The following PDE1C variants were observed in gnomAD, a reference collection of about 807,000 sequenced individuals.
PDE1C encodes phosphodiesterase 1C.
In PDE1C, 62 loss-of-function variants were observed where a neutral mutation model predicts 93.1. The ratio of observed to expected loss-of-function variants is 0.67; its 90% confidence interval spans 0.54 to 0.82. PDE1C has a LOEUF of 0.82. Among genes scored for constraint, PDE1C ranks in the 40% least tolerant of loss-of-function variants. The probability of loss-of-function intolerance (pLI) is 0.00; values close to 1 mark genes in which losing one functional copy is unlikely to be tolerated. For synonymous variants in PDE1C, 325 were observed against 310.1 expected (o/e 1.05, Z -0.50); for missense variants, 742 against 884.6 (o/e 0.84, Z 2.04).
chr7:31,850,762 A>G, intron 7 of PDE1C, 21 bp from the exon 8 acceptor site: 1 of 1,515,028 alleles, frequency 6.6e-7, no homozygotes, highest in Non-Finnish European at 9.2e-7. Context: ...ATTACAGAGC[A>G]ATCAGATAAT....
chr7:32,163,637 G>C (rs1019914582), intron 3 of PDE1C, among the ~76,000 whole-genome samples: 3 of 152,130 alleles, frequency 2.0e-5, no homozygotes, highest in African/African-American at 4.8e-5. Context: ...ATTCTTCCAA[G>C]TGCAAAATTA....
chr7:32,199,979 T>C (rs114234732), intron 2 of PDE1C, among the ~76,000 whole-genome samples: 1,723 of 152,294 alleles, frequency 0.011, 41 homozygotes, highest in African/African-American at 0.039. Flanking sequence ...GTTTAAGATA[T>C]ATATGAAACG....
At chr7:31,815,805 G>C in intron 15 of PDE1C, 119 bp downstream of exon 15, 4 of 750,264 alleles carry the variant, frequency 5.3e-6, no homozygotes, top group Non-Finnish European at 9.3e-6. Context: ...GAAGGAACTG[G>C]ATGAGCAGGG....
At chr7:31,872,462 A>G (rs1251243932) in intron 6 of PDE1C, among the ~76,000 whole-genome samples, 2 of 152,158 alleles carry the variant, frequency 1.3e-5, no homozygotes, top group African/African-American at 4.8e-5. Context: ...ATCATTACAT[A>G]GTCTATGCGT....
intron 15 of PDE1C, among the ~76,000 whole-genome samples, chr7:31,815,646 T>A (rs4720046): frequency 1.3e-5 from 2 of 152,042 alleles, no homozygotes; most frequent in South Asian, 4.2e-4. Flanking sequence ...ATGGTAATTT[T>A]CCCCCAGCTG....
chr7:32,048,729 T>C (rs1012793985), intron 2 of PDE1C, among the ~76,000 whole-genome samples: 4 of 152,154 alleles, frequency 2.6e-5, no homozygotes, highest in South Asian at 2.1e-4. Context: ...AAGTTGAGGA[T>C]GGCTTGTAAT....
At chr7:32,112,761 T>TA (rs1191940402) in intron 3 of PDE1C, among the ~76,000 whole-genome samples, 14 of 150,434 alleles carry the variant, frequency 9.3e-5, no homozygotes, top group African/African-American at 3.4e-4. Flanking sequence ...TGCTCAGCCT[T>TA]AAAAAGCTTT....
chr7:31,990,409 T>C (rs577083700), intron 2 of PDE1C, among the ~76,000 whole-genome samples: 25 of 152,280 alleles, frequency 1.6e-4, no homozygotes, highest in African/African-American at 5.8e-4. Flanking sequence ...CCCAGCCATG[T>C]GGAACTGTGA....
the PDE1C span, chr7:31,652,041 G>T: frequency 1.9e-6 from 3 of 1,595,468 alleles, no homozygotes; most frequent in Non-Finnish European, 2.6e-6. Context: ...TCAGAGAAGG[G>T]ATTTTACTGG....
At chr7:31,905,994 C>G (rs1800544479) in intron 2 of PDE1C, among the ~76,000 whole-genome samples, 1 of 152,144 alleles carries the variant, frequency 6.6e-6, no homozygotes, top group African/African-American at 2.4e-5. Flanking sequence ...GCTTCCCCTT[C>G]CCCCATGATT....
the PDE1C span, among the ~76,000 whole-genome samples, chr7:31,649,886 G>A: frequency 6.6e-6 from 1 of 152,180 alleles, no homozygotes; most frequent in East Asian, 1.9e-4. Context: ...ACTGACAGCA[G>A]GGGAAAGAGC....
At chr7:32,249,675 A>T (rs2128874388) in intron 1 of PDE1C, among the ~76,000 whole-genome samples, 1 of 152,346 alleles carries the variant, frequency 6.6e-6, no homozygotes, top group African/African-American at 2.4e-5. Flanking sequence ...AATGCCTTTC[A>T]CAAATGCTAT....
intron 2 of PDE1C, among the ~76,000 whole-genome samples, chr7:31,924,842 T>A (rs1322959843): frequency 6.6e-6 from 1 of 152,150 alleles, no homozygotes; most frequent in Non-Finnish European, 1.5e-5. Flanking sequence ...TCCCAACCAA[T>A]CAAGAAGCTT....
intron 1 of PDE1C, among the ~76,000 whole-genome samples, chr7:32,388,938 T>A (rs1784693382): frequency 6.6e-6 from 1 of 152,076 alleles, no homozygotes; most frequent in African/African-American, 2.4e-5. Context: ...AGTCAAAAAT[T>A]TCATTGAAAG....
chr7:32,245,275 GC>G (rs932341180), intron 1 of PDE1C, among the ~76,000 whole-genome samples: 30 of 152,120 alleles, frequency 2.0e-4, no homozygotes, highest in Non-Finnish European at 4.0e-4. Flanking sequence ...CAGGCAGACA[GC>G]CCTTCTCTTT....
At position 31,807,169 on chromosome 7, in the gene PDE1C, G is replaced by A. The variant is rs563955487; in HGVS notation, c.1891+1862C>T. Among the ~76,000 whole-genome samples the A allele has an allele frequency of 2.5e-3, 374 of 152,044 alleles. 2 individuals carry two copies. The highest frequency in any genetic ancestry group is 8.6e-3 in the African/African-American group (357 of 41,522). On this transcript the variant is annotated intron_variant, in intron 16 of 17. Coordinates refer to ENST00000396191, the MANE Select transcript of PDE1C (RefSeq NM_001191057.4). The stretch of plus-strand genomic sequence containing the variant: ...TCCATCAATGAATATAAAATGCAAA[G>A]TTGTTCATGATTATGTTTGTGTGCA...
At chr7:31,829,391 C>T (rs932562882) in intron 11 of PDE1C, among the ~76,000 whole-genome samples, 5 of 152,074 alleles carry the variant, frequency 3.3e-5, no homozygotes, top group Non-Finnish European at 5.9e-5. Flanking sequence ...GGCCAAGACT[C>T]GAGAAACCTT....
At chr7:31,651,899 G>T in the PDE1C span, 1 of 1,422,512 alleles carries the variant, frequency 7.0e-7, no homozygotes, top group Non-Finnish European at 9.7e-7. Flanking sequence ...CACCTGGGAA[G>T]GATTGTTAAA....
intron 9 of PDE1C, among the ~76,000 whole-genome samples, chr7:31,847,183 GATT>G (rs1370117013): frequency 2.0e-5 from 3 of 152,026 alleles, no homozygotes; most frequent in African/African-American, 7.2e-5. Flanking sequence ...ATTTTAAAAT[GATT>G]ATGTCATTTA....
Sources: gnomAD v4.1 joint callset for allele counts (sites outside exome capture counted in the v4.1 genomes callset) on GRCh38, gnomAD v4.1.1 for gene constraint, MANE v1.5 for transcripts, NCBI Gene and HGNC (gene_info 2026-07-23, HGNC 2026-07-21) for gene names.